Variants in RIMS2 observed in about 807,000 individuals in gnomAD.
The protein encoded by RIMS2 is regulating synaptic membrane exocytosis protein 2.
In RIMS2, 59 loss-of-function variants were observed where a neutral mutation model predicts 174.4. The ratio of observed to expected loss-of-function variants is 0.34; its 90% CI spans 0.27 to 0.42. The LOEUF is 0.42. Among genes scored for constraint, RIMS2 ranks in the 10% least tolerant of loss-of-function variants. The pLI, the probability that RIMS2 is intolerant of heterozygous loss-of-function variation, is 1.00. For synonymous variants in RIMS2, 606 were observed against 572.5 expected, an observed-to-expected ratio of 1.06 and a Z score of -0.84; for missense variants, 1,620 against 1,666.3, an observed-to-expected ratio of 0.97 and a Z score of 0.48.
chr8:104,034,660 G>A (rs2096477050), intron 19 of RIMS2, among the ~76,000 whole-genome samples: 2 of 151,562 alleles, frequency 1.3e-5, no homozygotes, highest in South Asian at 2.1e-4. Context: ...AGTAGAGACG[G>A]GGTTTCACCA....
chr8:104,018,638 A>G (rs1439829271), intron 19 of RIMS2, among the ~76,000 whole-genome samples: 1 of 152,158 alleles, frequency 6.6e-6, no homozygotes, highest in Non-Finnish European at 1.5e-5. Flanking sequence ...CTAGAAAACT[A>G]TATTTTATCA....
chr8:103,548,813 C>T (rs926727104), intron 1 of RIMS2, among the ~76,000 whole-genome samples: 3 of 152,128 alleles, frequency 2.0e-5, no homozygotes, highest in Admixed American at 2.0e-4. Flanking sequence ...AAAACAACTT[C>T]AGCAAAGTTT....
intron 2 of RIMS2, among the ~76,000 whole-genome samples, chr8:103,755,310 A>G (rs965723174): frequency 6.6e-6 from 1 of 152,182 alleles, no homozygotes; most frequent in Non-Finnish European, 1.5e-5. Flanking sequence ...TGTTATTCTC[A>G]TGGGCTTCCC....
At chr8:103,737,726 T>C (rs982779673) in intron 2 of RIMS2, among the ~76,000 whole-genome samples, 2 of 152,162 alleles carry the variant, frequency 1.3e-5, no homozygotes, top group African/African-American at 4.8e-5. Flanking sequence ...AACCAAGCCC[T>C]TTCCTACCTA....
intron 19 of RIMS2, among the ~76,000 whole-genome samples, chr8:104,086,995 G>A (rs567909067): frequency 4.6e-5 from 7 of 152,058 alleles, no homozygotes; most frequent in South Asian, 2.1e-4. Flanking sequence ...TTTATATCAC[G>A]GAAATCAGAA....
chr8:103,870,398 C>T (rs2099105313), intron 3 of RIMS2, among the ~76,000 whole-genome samples: 1 of 151,698 alleles, frequency 6.6e-6, no homozygotes, highest in Non-Finnish European at 1.5e-5. Context: ...CCACCACCAC[C>T]ACTACACCAC....
intron 5 of RIMS2, 70 bp from the exon 8 acceptor site, chr8:103,910,251 T>TCCTTTTTTATTTACA (rs2075391389): frequency 6.6e-7 from 1 of 1,525,644 alleles, no homozygotes; most frequent in East Asian, 2.3e-5. Context: ...ATTTCACTTT[T>TCCTTTTTTATTTACA]CCTTTTTTAT....
At chr8:103,880,811 T>C (rs2099163795) in intron 3 of RIMS2, 2 of 372,130 alleles carry the variant, frequency 5.4e-6, no homozygotes, top group South Asian at 2.1e-4. Flanking sequence ...GAAACGGGCC[T>C]TTGTTTTCAT....
chr8:103,680,951 G>A (rs188999372), intron 1 of RIMS2, among the ~76,000 whole-genome samples: 7 of 151,874 alleles, frequency 4.6e-5, no homozygotes, highest in African/African-American at 7.2e-5. Context: ...TAGTATGTTC[G>A]TCATATTTCT....
intron 2 of RIMS2, among the ~76,000 whole-genome samples, chr8:103,749,377 G>A (rs902425393): frequency 2.0e-5 from 3 of 152,294 alleles, no homozygotes; most frequent in South Asian, 2.1e-4. Flanking sequence ...CTCCCAAAGT[G>A]CTGGGATTAC....
At position 104,248,648 on chromosome 8, in the gene RIMS2, C is replaced by A. The variant is rs2099347731; in HGVS notation, c.3477-53C>A. On this transcript the variant is annotated intron_variant, in intron 20 of 23. Transcript: ENST00000504942. ...GAGGCTAGAATGAAACCAAGCTTAC[C>A]TGAAAATAAATAGGGGTTGGGGATT... 4 of 976,622 alleles carry A rather than the reference C, an allele frequency of 4.1e-6. No individual in the cohort carries two copies. In the South Asian group the frequency reaches 5.2e-5, roughly 13 times the overall value. The allele number at this position is 976,622 out of a possible 1,614,324, so 60.5% of individuals were successfully genotyped here. A position where few individuals can be genotyped will look rare whatever the true frequency, so the allele number is the denominator to read the frequency against.
intron 1 of RIMS2, among the ~76,000 whole-genome samples, chr8:103,674,272 A>G (rs2096781368): frequency 6.6e-6 from 1 of 152,128 alleles, no homozygotes; most frequent in South Asian, 2.1e-4. Flanking sequence ...CTCTTCCAAC[A>G]TCTGCCCATT....
intron 3 of RIMS2, among the ~76,000 whole-genome samples, chr8:103,785,841 A>C (rs2098438304): frequency 2.0e-5 from 3 of 152,184 alleles, no homozygotes; most frequent in Non-Finnish European, 4.4e-5. Context: ...TTTCAGAAGG[A>C]ATGGTACCAG....
At chr8:104,032,125 A>G (rs978328325) in intron 19 of RIMS2, among the ~76,000 whole-genome samples, 5 of 152,116 alleles carry the variant, frequency 3.3e-5, no homozygotes, top group African/African-American at 1.2e-4. Context: ...AAAAAGTACA[A>G]TAAAAGCTCA....
At position 103,975,295 on chromosome 8, in the gene RIMS2, C is replaced by T. The variant is rs184173282; in HGVS notation, c.2771-55C>T. The T allele has an allele frequency of 2.4e-4, 291 of 1,237,390 alleles. 2 individuals carry two copies. In the Admixed American group the frequency reaches 3.9e-3, roughly 17 times the overall value. 76.7% of individuals were successfully genotyped at this position (1,237,390 alleles called of 1,614,324 possible). On this transcript the variant is annotated intron_variant, in intron 15 of 23. Coordinates refer to ENST00000504942, the Ensembl canonical transcript of RIMS2. ...TTGTTTTTGAGTAAAGTAGAAGAGA[C>T]GCAAAGGACTTTGTACATACATAAC... is the stretch of plus-strand genomic sequence containing the variant.
chr8:104,030,838 C>G (rs2096375882), intron 19 of RIMS2, among the ~76,000 whole-genome samples: 1 of 152,094 alleles, frequency 6.6e-6, no homozygotes, highest in Non-Finnish European at 1.5e-5. Flanking sequence ...GTCTTTTTAG[C>G]ATTTATCAAT....
intron 19 of RIMS2, among the ~76,000 whole-genome samples, chr8:104,129,838 T>C (rs1025043419): frequency 1.3e-5 from 2 of 152,200 alleles, no homozygotes; most frequent in Non-Finnish European, 2.9e-5. Flanking sequence ...TTAATTAGCA[T>C]AGCATTGACT....
chr8:103,963,969 T>G (rs1226437919), intron 15 of RIMS2, among the ~76,000 whole-genome samples: 2 of 152,190 alleles, frequency 1.3e-5, no homozygotes, highest in Non-Finnish European at 2.9e-5. Context: ...ATCTTTCACT[T>G]AGTAATATGC....
At chr8:103,790,345 T>C (rs2098485195) in intron 3 of RIMS2, among the ~76,000 whole-genome samples, 1 of 152,242 alleles carries the variant, frequency 6.6e-6, no homozygotes, top group Admixed American at 6.5e-5. Flanking sequence ...ATAAAAATAG[T>C]ATCATGCAAT....
Sources: gnomAD v4.1 joint callset for allele counts (sites outside exome capture counted in the v4.1 genomes callset) on GRCh38, gnomAD v4.1.1 for gene constraint, MANE v1.5 for transcripts, NCBI Gene and HGNC (gene_info 2026-07-23, HGNC 2026-07-21) for gene names.